The following PDLIM7 variants were observed in gnomAD, a reference collection of about 807,000 sequenced individuals.
The protein encoded by PDLIM7 is PDZ and LIM domain protein 7.
A neutral mutation model predicts 53.9 loss-of-function variants in PDLIM7; 37 were observed. The ratio of observed to expected loss-of-function variants is 0.69; its 90% CI spans 0.53 to 0.90. The LOEUF is 0.90. Ranked by LOEUF, PDLIM7 falls within the 40% of genes least tolerant of loss-of-function variation. The pLI is 0.00. For synonymous variants in PDLIM7, 300 were observed against 261.3 expected, an observed-to-expected ratio of 1.15 and a Z score of -1.43; for missense variants, 617 against 638.5, an observed-to-expected ratio of 0.97 and a Z score of 0.36.
intron 5 of PDLIM7, 131 bp downstream of exon 5, chr5:177,491,676 G>A: frequency 6.3e-6 from 4 of 636,070 alleles, no homozygotes; most frequent in South Asian, 4.5e-5. Flanking sequence ...GCCCCACCCC[G>A]GCCGCCAGGG....
intron 2 of PDLIM7, among the ~76,000 whole-genome samples, chr5:177,494,761 G>A (rs1465715577): frequency 6.6e-6 from 1 of 152,142 alleles, no homozygotes. Flanking sequence ...CCAGGGGGCT[G>A]GACCCTGCAT....
chr5:177,496,531 G>C lies in PDLIM7; in HGVS notation c.-11-8C>G, dbSNP rs1554106959. 1.3e-6 allele frequency: 2 copies of C among 1,563,894 alleles called. No individual in the cohort carries two copies. Among genetic ancestry groups the C allele is most frequent in the Non-Finnish European group, 1.7e-6 (2 of 1,153,610 alleles). On this transcript the variant is annotated splice_polypyrimidine_tract_variant and splice_region_variant and intron_variant, in intron 1 of 12. Coordinates refer to ENST00000355841, the MANE Select transcript of PDLIM7 (RefSeq NM_005451.5). ...AATCCATGATGCCGGCTCCTGAGAG[G>C]AGAGAAGAGAAGGTGAGTGGCCAGC...
chr5:177,486,702 G>A (rs563170251), intron 10 of PDLIM7, among the ~76,000 whole-genome samples: 31 of 151,878 alleles, frequency 2.0e-4, no homozygotes, highest in South Asian at 1.5e-3. Flanking sequence ...GCAGTGGCGC[G>A]ATCTCGGCTC....
chr5:177,489,101 C>T (rs1758608357), intron 9 of PDLIM7, among the ~76,000 whole-genome samples: 1 of 152,216 alleles, frequency 6.6e-6, no homozygotes, highest in African/African-American at 2.4e-5. Flanking sequence ...TGGGAGGGGG[C>T]AGGCCCCTCT....
In PDLIM7 at chr5:177,491,872, G is replaced by T. The variant is rs202078695; in HGVS notation, c.333C>A (p.Ser111=). 242 of 1,273,508 alleles carry T rather than the reference G, an allele frequency of 1.9e-4. No individual in the cohort carries two copies. Among genetic ancestry groups the T allele is most frequent in the Non-Finnish European group, 2.2e-4 (224 of 1,005,632 alleles). The allele number at this position is 1,273,508 out of a possible 1,614,324, so 78.9% of individuals were successfully genotyped here. ...CAAAGGGCCGGGCCGTCTTGTTGAG[G>T]GAGACGCTGGGTGCAAAGGTGTACC... ...PPRYTFAPSV[S]LNKTARPFGA... The change falls in exon 5 of 13, where the codon TCC becomes TCA. Residue 111 remains serine (S), a synonymous_variant. Transcript: ENST00000355841.
Position 177,483,405 on chromosome 5 carries a change from A to C in PDLIM7, c.*239T>G. On this transcript the variant is annotated 3_prime_UTR_variant, in exon 13 of 13. Coordinates refer to ENST00000355841, the MANE Select transcript of PDLIM7 (RefSeq NM_005451.5). ...AAGGGCACACAAGACACAGCTGGGT[A>C]CAGGTTTATTGTGGCACTGGAGGTG... 4 of 471,700 alleles carry C rather than the reference A, an allele frequency of 8.5e-6. No individual in the cohort carries two copies. The highest frequency in any genetic ancestry group is 1.1e-5 in the Non-Finnish European group (3 of 263,862). The allele number at this position is 471,700 out of a possible 1,614,324, so 29.2% of individuals were successfully genotyped here.
In PDLIM7 at chr5:177,492,615, G is replaced by A. The variant is rs751496457; in HGVS notation, c.159C>T (p.Ile53=). The change falls in exon 3 of 13, where the codon ATC becomes ATT. Residue 53 remains isoleucine, a synonymous_variant. Coordinates refer to ENST00000355841, the MANE Select transcript of PDLIM7 (RefSeq NM_005451.5). The stretch of plus-strand genomic sequence containing the variant: ...TGAGGCTACCCGCATTCTCGCCATC[G>A]ATGCTCAGCACCCAGTCACCCACGG... ...GVAVGDWVLS[I]DGENAGSLTH... is the part of the protein sequence containing the mutation. The A allele has an allele frequency of 3.4e-5, 54 of 1,611,712 alleles. No individual in the cohort carries two copies. The highest frequency in any genetic ancestry group is 3.8e-5 in the Non-Finnish European group (45 of 1,180,012).
chr5:177,490,224 G>A, intron 7 of PDLIM7: 2 of 1,447,748 alleles, frequency 1.4e-6, no homozygotes, highest in South Asian at 2.9e-5. Flanking sequence ...GGTCCACAAA[G>A]ATAGAAGACA....
rs1200797857 is a variant in PDLIM7 at position 177,489,680 on chromosome 5, G to T, written c.635-53C>A. The T allele has an allele frequency of 2.0e-6, 3 of 1,504,672 alleles. No homozygotes were observed. In the Admixed American group the frequency reaches 6.4e-5, roughly 32 times the overall value. The allele number at this position is 1,504,672 out of a possible 1,614,324, so 93.2% of individuals were successfully genotyped here. ...TGCCCAGGGACCCCAAAGGACGGGG[G>T]TGGAGCCCCAGGCAGCTGAGAGAAG... On this transcript the variant is annotated intron_variant, in intron 8 of 12. Coordinates refer to ENST00000355841, the MANE Select transcript of PDLIM7 (RefSeq NM_005451.5).
chr5:177,483,993 G>A lies in PDLIM7; in HGVS notation c.1172-11C>T. Reference sequence around the variant, plus strand: ...ACATCTTCTCATAGTCTGAGAATGGGGGCAGAGAGAAAGAGGACCTGGATT... The same window carrying A: ...ACATCTTCTCATAGTCTGAGAATGGAGGCAGAGAGAAAGAGGACCTGGATT... On this transcript the variant is annotated splice_polypyrimidine_tract_variant and intron_variant, in intron 11 of 12. Transcript: ENST00000355841. The A allele has an allele frequency of 1.2e-6, 2 of 1,613,620 alleles. No homozygotes were observed. The highest frequency in any genetic ancestry group is 1.1e-5 in the South Asian group (1 of 91,056).
chr5:177,496,317 G>A lies in PDLIM7; in HGVS notation c.96+100C>T, dbSNP rs1759067367. ...GGACCTAGACATCTCCTGGCCTGCT[G>A]GCCCCTGACCAGCTCCTGTTAGGAC... On this transcript the variant is annotated intron_variant, in intron 2 of 12. Coordinates refer to ENST00000355841, the MANE Select transcript of PDLIM7 (RefSeq NM_005451.5). 4.8e-6 allele frequency: 4 copies of A among 826,594 alleles called. No individual in the cohort carries two copies. The East Asian group carries it at 1.3e-4, about 26-fold the overall frequency. 51.2% of individuals were successfully genotyped at this position (826,594 alleles called of 1,614,324 possible). A position where few individuals can be genotyped will look rare whatever the true frequency, so the allele number is the denominator to read the frequency against.
Position 177,492,389 on chromosome 5 carries a change from C to T in PDLIM7, c.279+16G>A, listed in dbSNP as rs1442228486. ...CCACACCGCCCACCGCCCGGATGTC[C>T]CGGCCAGCCTCGTACCTTCTGCGGT... On this transcript the variant is annotated intron_variant, in intron 4 of 12. Transcript: ENST00000355841. The T allele has an allele frequency of 2.5e-6, 4 of 1,612,666 alleles. No individual in the cohort carries two copies. Among genetic ancestry groups the T allele is most frequent in the Non-Finnish European group, 3.4e-6 (4 of 1,179,362 alleles).
chr5:177,489,421 C>T lies in PDLIM7; in HGVS notation c.841G>A (p.Val281Met), dbSNP rs750552323. Reference sequence around the variant, plus strand: ...ATGACCTTGTGGCACTGGTGACACACGGGAGTCTTGCCGTTGTTGCTGCCC... The same window carrying T: ...ATGACCTTGTGGCACTGGTGACACATGGGAGTCTTGCCGTTGTTGCTGCCC... The part of the protein sequence containing the change: ...GGGSNNGKTP[V>M]CHQCHKVIRG... Residue 281 changes from valine (V) to methionine (M), a missense_variant, in exon 9 of 13, where the codon GTG becomes ATG. Coordinates refer to ENST00000355841, the MANE Select transcript of PDLIM7 (RefSeq NM_005451.5). The T allele has an allele frequency of 3.2e-5, 51 of 1,596,376 alleles. No individual in the cohort carries two copies. The highest frequency in any genetic ancestry group is 3.3e-4 in the Middle Eastern group (2 of 6,054).
intron 10 of PDLIM7, among the ~76,000 whole-genome samples, chr5:177,487,462 C>G (rs1302189702): frequency 1.3e-5 from 2 of 152,226 alleles, no homozygotes; most frequent in African/African-American, 4.8e-5. Flanking sequence ...GGAAGGTGAG[C>G]ATTTTGGCGG....
intron 1 of PDLIM7, chr5:177,496,729 C>A (rs1030834657): frequency 5.0e-6 from 2 of 397,436 alleles, no homozygotes; most frequent in South Asian, 9.2e-5. Context: ...CAGGAGCAGC[C>A]CCCCTCCCCT....
rs1362906394 is a variant in PDLIM7 at position 177,490,745 on chromosome 5, G to A, written c.572+125C>T. The stretch of plus-strand genomic sequence containing the variant: ...AGGAAGGAAGGAAGGAAGGAAGGAA[G>A]GAAGGAAGGAAGGAAGGAAGGGAGA... On this transcript the variant is annotated intron_variant, in intron 7 of 12. Coordinates refer to ENST00000355841, the MANE Select transcript of PDLIM7 (RefSeq NM_005451.5). 4 of 948,976 alleles carry A rather than the reference G, an allele frequency of 4.2e-6. No individual in the cohort carries two copies. In the East Asian group the frequency reaches 9.9e-5, roughly 24 times the overall value. The allele number at this position is 948,976 out of a possible 1,614,324, so 58.8% of individuals were successfully genotyped here.
chr5:177,496,130 T>C (rs1019848848), intron 2 of PDLIM7, among the ~76,000 whole-genome samples: 3 of 152,086 alleles, frequency 2.0e-5, no homozygotes, highest in African/African-American at 7.2e-5. Flanking sequence ...AATGTTAGGC[T>C]CCCATCCTGC....
intron 7 of PDLIM7, 104 bp downstream of exon 7, chr5:177,490,766 G>T: frequency 9.3e-7 from 1 of 1,072,334 alleles, no homozygotes; most frequent in South Asian, 1.3e-5. Flanking sequence ...AGGAAGGAAG[G>T]GAGAATTGAG....
At position 177,483,572 on chromosome 5, in the gene PDLIM7, C is replaced by T; in HGVS notation, c.*72G>A. ...TTAAGGCAACCATTGCCAGCCCTAC[C>T]CAGAAATGCAGGGCCACGACTCCAG... On this transcript the variant is annotated 3_prime_UTR_variant, in exon 13 of 13. Transcript: ENST00000355841. 1 of 1,174,582 alleles carries T rather than the reference C, an allele frequency of 8.5e-7. No individual in the cohort carries two copies. The highest frequency in any genetic ancestry group is 1.2e-6 in the Non-Finnish European group (1 of 808,092). 72.8% of individuals were successfully genotyped at this position (1,174,582 alleles called of 1,614,324 possible).
Sources: allele counts gnomAD v4.1 joint callset (sites outside exome capture counted in the v4.1 genomes callset), GRCh38; gene constraint gnomAD v4.1.1; transcripts MANE v1.5; gene names NCBI Gene and HGNC (gene_info 2026-07-23, HGNC 2026-07-21).